The following LTF variants were observed in gnomAD, a reference collection of about 807,000 sequenced individuals.
LTF encodes epididymis luminal protein 110.
Under a neutral mutation model 87.2 loss-of-function variants are expected in LTF, and 91 were observed. The observed-to-expected ratio is 1.04, with a 90% CI of 0.88 to 1.24. LTF has a LOEUF of 1.24. Ranked by LOEUF, LTF falls within the 50% of genes most tolerant of loss-of-function variation. LTF has a pLI of 0.00. For synonymous variants in LTF, 378 were observed against 356.1 expected (o/e 1.06, Z -0.69); for missense variants, 901 against 904.3 (o/e 1.00, Z 0.05).
At position 46,450,642 on chromosome 3, in the gene LTF, C is replaced by G; in HGVS notation, c.735G>C (p.Glu245Asp). 1 of 1,613,426 alleles carries G rather than the reference C, an allele frequency of 6.2e-7. No individual in the cohort carries two copies. Reference protein sequence around the residue: ...EDLSDEAERDEYELLCPDNTR... With the variant: ...EDLSDEAERDDYELLCPDNTR... ...TGTTGTCTGGGCAGAGTAACTCATA[C>G]TCGTCCCTTTCAGCCTCGTCTGACA... is the stretch of plus-strand genomic sequence containing the variant. Residue 245 changes from glutamate (E) to aspartate (D), a missense_variant, in exon 7 of 17, where the codon GAG (glutamate) becomes GAC (aspartate). Glu to Asp is a conservative substitution (Grantham distance 45, BLOSUM62 2). Coordinates refer to ENST00000231751, the MANE Select transcript of LTF (RefSeq NM_002343.6).
At chr3:46,444,288 C>A (rs1176613545) in intron 12 of LTF, among the ~76,000 whole-genome samples, 1 of 152,222 alleles carries the variant, frequency 6.6e-6, no homozygotes, top group Non-Finnish European at 1.5e-5. Context: ...ATATTGTCTT[C>A]ATACCAGCCC....
In LTF at chr3:46,456,109, C is replaced by T. The variant is rs1702923141; in HGVS notation, c.317-131G>A. 3.1e-6 allele frequency: 3 copies of T among 983,170 alleles called. No homozygotes were observed. The South Asian group carries it at 5.0e-5, about 17-fold the overall frequency. 60.9% of individuals were successfully genotyped at this position (983,170 alleles called of 1,614,324 possible). ...TTTCCTCACAGCTCACGTGTGTCCT[C>T]CTCTCGTGGGTCAGCGTCAGGAGGA... On this transcript the variant is annotated intron_variant, in intron 3 of 16. Transcript: ENST00000231751.
chr3:46,452,725 T>A (rs1702832976), intron 6 of LTF, among the ~76,000 whole-genome samples: 1 of 152,222 alleles, frequency 6.6e-6, no homozygotes, highest in South Asian at 2.1e-4. Flanking sequence ...CTTGGATATA[T>A]ACAAACTTGG....
intron 1 of LTF, among the ~76,000 whole-genome samples, chr3:46,471,406 C>T (rs1328017544): frequency 6.6e-6 from 1 of 152,230 alleles, no homozygotes; most frequent in Non-Finnish European, 1.5e-5. Flanking sequence ...GGCTCTGACC[C>T]TGACTGAGCT....
chr3:46,445,312 C>T lies in LTF; in HGVS notation c.1482G>A (p.Leu494=), dbSNP rs746078900. The T allele has an allele frequency of 1.2e-6, 2 of 1,612,276 alleles. No individual in the cohort carries two copies. Among genetic ancestry groups the T allele is most frequent in the Non-Finnish European group, 1.7e-6 (2 of 1,179,196 alleles). The part of the protein sequence containing the change: ...RTAGWNIPMG[L]LFNQTGSCKF... ...TGCAGGAGCCCGTCTGGTTGAAGAG[C>T]AGGCCCATGGGGATATTCCAGCCTG... The change falls in exon 12 of 17, where the codon CTG becomes CTA. Residue 494 remains leucine (L), a synonymous_variant. Transcript: ENST00000231751.
At chr3:46,443,150 C>G (rs1199726067) in intron 13 of LTF, among the ~76,000 whole-genome samples, 1 of 152,164 alleles carries the variant, frequency 6.6e-6, no homozygotes, top group Non-Finnish European at 1.5e-5. Flanking sequence ...CACACTCTAC[C>G]CATTTGATTT....
At chr3:46,479,808 G>A (rs6763280) in intron 1 of LTF, among the ~76,000 whole-genome samples, 57,779 of 152,134 alleles carry the variant, frequency 0.38, 11,168 homozygotes, top group East Asian at 0.51. Context: ...GATTACAGGC[G>A]TGAGCCACTG....
chr3:46,459,065 G>A (rs531042669), intron 2 of LTF, among the ~76,000 whole-genome samples: 46 of 152,306 alleles, frequency 3.0e-4, no homozygotes, highest in African/African-American at 1.0e-3. Context: ...ATGGCACATG[G>A]CAGGTACACA....
chr3:46,473,798 T>C (rs1703323525), intron 1 of LTF, among the ~76,000 whole-genome samples: 2 of 152,216 alleles, frequency 1.3e-5, no homozygotes, highest in African/African-American at 4.8e-5. Flanking sequence ...TAATAACATC[T>C]GCAAAGTCCC....
At chr3:46,467,096 G>C (rs1703226506), upstream of LTF, among the ~76,000 whole-genome samples, 1 of 152,218 alleles carries the variant, frequency 6.6e-6, no homozygotes, top group Non-Finnish European at 1.5e-5. Flanking sequence ...CCCCAGGGCA[G>C]GGATGTGAGC....
At chr3:46,446,180 G>A (rs6787643) in intron 11 of LTF, among the ~76,000 whole-genome samples, 53,392 of 151,874 alleles carry the variant, frequency 0.35, 9,896 homozygotes, top group East Asian at 0.67. Flanking sequence ...CCCATGAGGT[G>A]GGGAAGTAGC....
At chr3:46,441,298 T>G in intron 14 of LTF, 118 bp downstream of exon 14, 1 of 750,216 alleles carries the variant, frequency 1.3e-6, no homozygotes, top group Non-Finnish European at 2.2e-6. Context: ...TTGGAGTTCT[T>G]TTAATCACAA....
chr3:46,451,257 C>A (rs990169348), intron 6 of LTF, among the ~76,000 whole-genome samples: 3 of 152,000 alleles, frequency 2.0e-5, no homozygotes, highest in African/African-American at 7.3e-5. Context: ...ATTAGTACAA[C>A]CTTGATGTCA....
At chr3:46,436,431 A>G (rs995496882) in intron 16 of LTF, among the ~76,000 whole-genome samples, 1 of 152,222 alleles carries the variant, frequency 6.6e-6, no homozygotes, top group Non-Finnish European at 1.5e-5. Flanking sequence ...AGCCCTCACC[A>G]GCCAGGGTGT....
At chr3:46,438,254 G>T in intron 15 of LTF, 125 bp from the exon 16 acceptor site, 1 of 792,088 alleles carries the variant, frequency 1.3e-6, no homozygotes, top group Non-Finnish European at 2.1e-6. Context: ...AAGGAGCTGA[G>T]TTCTGGAGTC....
At chr3:46,449,096 G>T (rs555284646) in intron 8 of LTF, 79 bp from the exon 9 acceptor site, 3 of 1,352,876 alleles carry the variant, frequency 2.2e-6, no homozygotes, top group Non-Finnish European at 3.0e-6. Flanking sequence ...CCAGGGTCCT[G>T]CCCAGACTCT....
chr3:46,440,314 AT>A (rs1425077203), intron 14 of LTF, among the ~76,000 whole-genome samples: 4 of 152,324 alleles, frequency 2.6e-5, no homozygotes, highest in Admixed American at 2.6e-4. Flanking sequence ...TCCCTTTCAT[AT>A]TCAAATGCTA....
chr3:46,450,892 T>A (rs1702788153), intron 6 of LTF, among the ~76,000 whole-genome samples: 1 of 152,104 alleles, frequency 6.6e-6, no homozygotes, highest in Non-Finnish European at 1.5e-5. Context: ...TCATCCTAAA[T>A]CACTTAGGCC....
intron 6 of LTF, among the ~76,000 whole-genome samples, chr3:46,453,258 A>C (rs1702845357): frequency 6.6e-6 from 1 of 152,254 alleles, no homozygotes; most frequent in South Asian, 2.1e-4. Context: ...GAAAATTAAA[A>C]ATAAAACGAA....
Sources: gnomAD v4.1 joint callset for allele counts (sites outside exome capture counted in the v4.1 genomes callset) on GRCh38, gnomAD v4.1.1 for gene constraint, MANE v1.5 for transcripts, NCBI Gene and HGNC (gene_info 2026-07-23, HGNC 2026-07-21) for gene names.